ANKRD36: variants seen among roughly 807,000 people sequenced by gnomAD.
ANKRD36 encodes the protein ankyrin repeat domain 36.
ANKRD36 carries 179 observed loss-of-function variants against 278.1 expected under a neutral mutation model. That is an observed-to-expected ratio of 0.64 (90% CI 0.57 to 0.73). The LOEUF (loss-of-function observed/expected upper bound fraction) is 0.73, where lower values mean the gene tolerates loss of function less well. Among genes scored for constraint, ANKRD36 ranks in the 30% least tolerant of loss-of-function variants. ANKRD36 has a pLI of 0.00. For missense variants in ANKRD36, 1,159 were observed against 1,956.7 expected (o/e 0.59, Z 7.69); for synonymous variants, 320 against 641.1 (o/e 0.50, Z 7.57).
chr2:97,217,284 T>C lies in ANKRD36; in HGVS notation c.3703-16T>C. The C allele has an allele frequency of 6.5e-7, 1 of 1,549,250 alleles. No individual in the cohort carries two copies. The highest frequency in any genetic ancestry group is 8.7e-7 in the Non-Finnish European group (1 of 1,147,356). ...ATATATTATGTATTGACTATTTTGT[T>C]TCTCTTTCCATTCAGGTTATATTTA... On this transcript the variant is annotated splice_polypyrimidine_tract_variant and intron_variant, in intron 63 of 75. Transcript: ENST00000420699.
At chr2:97,185,174 A>G in intron 28 of ANKRD36, 142 bp from the exon 29 acceptor site, 1 of 1,177,160 alleles carries the variant, frequency 8.5e-7, no homozygotes, top group Non-Finnish European at 1.2e-6. Context: ...ATTTCTGGTC[A>G]TGTTCCAGTC....
intron 56 of ANKRD36, 90 bp from the exon 57 acceptor site, chr2:97,211,456 G>A (rs1354394454): frequency 5.8e-6 from 9 of 1,545,238 alleles, no homozygotes; most frequent in African/African-American, 1.4e-5. Flanking sequence ...ACAGGCTGGG[G>A]GACAGAGTTT....
At chr2:97,204,707 C>G (rs1197870947) in intron 50 of ANKRD36, among the ~76,000 whole-genome samples, 2 of 151,572 alleles carry the variant, frequency 1.3e-5, no homozygotes, top group Non-Finnish European at 3.0e-5. Context: ...AACAGTTTTC[C>G]TAAGGAAGAC....
Position 97,209,814 on chromosome 2 carries a change from GA to G in ANKRD36, c.3312del (p.Asp1105IlefsTer6). ...KPALKATSDE[K>X]DSVLYIAREK... ...ATTCCATTCAGGCTACAAGTGACGA[GA>G]AAGATTCTGTTTTGTATATAGCCAG... On this transcript the variant is annotated frameshift_variant, in exon 56 of 76. Transcript: ENST00000420699. LOFTEE classifies it high-confidence loss of function. 1 of 1,599,856 alleles carries G rather than the reference GA, an allele frequency of 6.3e-7. No homozygotes were observed. Among genetic ancestry groups the G allele is most frequent in the Non-Finnish European group, 8.5e-7 (1 of 1,175,546 alleles).
chr2:97,206,171 C>T lies in ANKRD36; in HGVS notation c.3163+36C>T, dbSNP rs747070937. ...AAACAGATTTAATGCCATGTTCAGT[C>T]GAGATAGATAAGAAGTTCTCTTCCC... is the stretch of plus-strand genomic sequence containing the variant. On this transcript the variant is annotated intron_variant, in intron 52 of 75. Transcript: ENST00000420699. 11 of 1,499,172 alleles carry T rather than the reference C, an allele frequency of 7.3e-6. No homozygotes were observed. In the East Asian group the frequency reaches 1.5e-4, roughly 20 times the overall value. 92.9% of individuals were successfully genotyped at this position (1,499,172 alleles called of 1,614,324 possible). A position where few individuals can be genotyped will look rare whatever the true frequency, so the allele number is the denominator to read the frequency against.
intron 11 of ANKRD36, among the ~76,000 whole-genome samples, chr2:97,148,517 T>C (rs1460456568): frequency 1.3e-5 from 2 of 152,076 alleles, no homozygotes; most frequent in African/African-American, 4.8e-5. Flanking sequence ...TCCAGCAGTC[T>C]CTCTCTTGGG....
At chr2:97,199,327 G>A (rs1174457841) in intron 44 of ANKRD36, among the ~76,000 whole-genome samples, 1 of 151,866 alleles carries the variant, frequency 6.6e-6, no homozygotes, top group East Asian at 1.9e-4. Flanking sequence ...TTACTAGGAG[G>A]CCTCAGAGAT....
chr2:97,232,097 T>G (rs1374199662), intron 67 of ANKRD36, among the ~76,000 whole-genome samples: 1 of 151,970 alleles, frequency 6.6e-6, no homozygotes, highest in Non-Finnish European at 1.5e-5. Flanking sequence ...TTAGTTACAA[T>G]CCAGTGATTT....
rs1179703621 is a variant in ANKRD36 at position 97,200,193 on chromosome 2, T to A, written c.2756-141T>A. ...TCAGTGTATTTCTGTCATGTTCTGA[T>A]CCCCAGACACAAAGTAGAAGCCATC... On this transcript the variant is annotated intron_variant, in intron 44 of 75. Transcript: ENST00000420699. 15 of 1,523,380 alleles carry A rather than the reference T, an allele frequency of 9.8e-6. 1 individual carries two copies. In the Admixed American group the frequency reaches 2.3e-4, roughly 23 times the overall value. 94.4% of individuals were successfully genotyped at this position (1,523,380 alleles called of 1,614,324 possible).
chr2:97,207,231 G>A (rs1220747433), intron 52 of ANKRD36, among the ~76,000 whole-genome samples: 1 of 151,374 alleles, frequency 6.6e-6, no homozygotes, highest in Non-Finnish European at 1.5e-5. Context: ...ACCATATGGG[G>A]GTGAGAGATA....
intron 67 of ANKRD36, among the ~76,000 whole-genome samples, chr2:97,226,828 G>T (rs4401249): frequency 0.39 from 54,774 of 138,774 alleles, 15,131 homozygotes; most frequent in African/African-American, 0.73. Flanking sequence ...GGATCCAGTT[G>T]CAGCTTTCTA....
intron 30 of ANKRD36, 91 bp downstream of exon 30, chr2:97,185,601 G>A (rs1231995014): frequency 6.9e-7 from 1 of 1,452,582 alleles, no homozygotes; most frequent in East Asian, 2.4e-5. Flanking sequence ...GCTCGTCAAA[G>A]CTGCACATTC....
intron 6 of ANKRD36, among the ~76,000 whole-genome samples, chr2:97,129,413 C>T (rs528069105): frequency 1.3e-5 from 2 of 152,134 alleles, no homozygotes; most frequent in South Asian, 4.2e-4. Context: ...TTCTCCCATT[C>T]TGTAGGTTGT....
In ANKRD36 at chr2:97,166,803, G is replaced by A. The variant is rs1176283476; in HGVS notation, c.1532-774G>A. On this transcript the variant is annotated intron_variant, in intron 20 of 75. Coordinates refer to ENST00000420699, the MANE Select transcript of ANKRD36 (RefSeq NM_001354587.1). ...GACAGGTGCTTCATGTTAGCAAAAT[G>A]TGATGCACTGCATGTCAAACTGACT... 5.9e-5 allele frequency among the ~76,000 whole-genome samples: 9 copies of A among 152,354 alleles called. No individual in the cohort carries two copies. The East Asian group carries it at 1.2e-3, about 20-fold the overall frequency.
At chr2:97,132,081 C>G (rs2040328975) in intron 6 of ANKRD36, among the ~76,000 whole-genome samples, 1 of 151,778 alleles carries the variant, frequency 6.6e-6, no homozygotes, top group Non-Finnish European at 1.5e-5. Flanking sequence ...CCCGCCCCAG[C>G]CTCCCAAAGT....
At position 97,128,884 on chromosome 2, in the gene ANKRD36, C is replaced by T. The variant is rs369711218; in HGVS notation, c.799+1750C>T. 2.0e-5 allele frequency among the ~76,000 whole-genome samples: 3 copies of T among 152,230 alleles called. No homozygotes were observed. The South Asian group carries it at 6.2e-4, about 32-fold the overall frequency. Reference sequence around the variant, plus strand: ...CTCCCTCCAACATGGAATCATAACACAGCCGCATTTCGAGAGTTTCAAGTT... The same window carrying T: ...CTCCCTCCAACATGGAATCATAACATAGCCGCATTTCGAGAGTTTCAAGTT... On this transcript the variant is annotated intron_variant, in intron 6 of 75. Coordinates refer to ENST00000420699, the MANE Select transcript of ANKRD36 (RefSeq NM_001354587.1).
chr2:97,200,448 T>C lies in ANKRD36; in HGVS notation c.2785-5T>C, dbSNP rs1284138290. The C allele has an allele frequency of 7.5e-6, 12 of 1,596,506 alleles. No individual in the cohort carries two copies. Among genetic ancestry groups the C allele is most frequent in the Middle Eastern group, 2.3e-4 (1 of 4,434 alleles). On this transcript the variant is annotated splice_polypyrimidine_tract_variant and splice_region_variant and intron_variant, in intron 45 of 75. Coordinates refer to ENST00000420699, the MANE Select transcript of ANKRD36 (RefSeq NM_001354587.1). ...ATTTATTACTTTGTTTCAAATTCCA[T>C]TCAGGCCACAAGTGATGAGAAGGAT...
Position 97,190,977 on chromosome 2 carries a change from G to C in ANKRD36, c.2246-1G>C. 6.2e-7 allele frequency: 1 copy of C among 1,603,588 alleles called. No homozygotes were observed. Among genetic ancestry groups the C allele is most frequent in the Non-Finnish European group, 8.5e-7 (1 of 1,175,070 alleles). ...ATTATGTATCCCTTTTTGCTTTTCAGTGTCTTCTCAGAAACAACCAGCCTT... is the reference window on the plus strand; with the variant it reads ...ATTATGTATCCCTTTTTGCTTTTCACTGTCTTCTCAGAAACAACCAGCCTT... On this transcript the variant is annotated splice_acceptor_variant, in intron 34 of 75. Coordinates refer to ENST00000420699, the MANE Select transcript of ANKRD36 (RefSeq NM_001354587.1). LOFTEE classifies it high-confidence loss of function.
chr2:97,198,365 A>C (rs2060389349), intron 42 of ANKRD36, 98 bp from the exon 43 acceptor site: 1 of 1,542,350 alleles, frequency 6.5e-7, no homozygotes, highest in Non-Finnish European at 8.8e-7. Context: ...ACACTAATAC[A>C]GGCAGGAGGA....
Sources: gnomAD v4.1 joint callset for allele counts (sites outside exome capture counted in the v4.1 genomes callset) on GRCh38, gnomAD v4.1.1 for gene constraint, MANE v1.5 for transcripts, NCBI Gene and HGNC (gene_info 2026-07-23, HGNC 2026-07-21) for gene names.